Variants in ANKHD1 observed in about 807,000 individuals in gnomAD.
ANKHD1 encodes the protein ankyrin repeat and KH domain-containing protein 1.
Under a neutral mutation model 230.5 loss-of-function variants are expected in ANKHD1, and 31 were observed. The ratio of observed to expected loss-of-function variants is 0.13; its 90% CI spans 0.10 to 0.18. The LOEUF (loss-of-function observed/expected upper bound fraction) is 0.18, where lower values mean the gene tolerates loss of function less well. ANKHD1 is among the 10% of genes least tolerant of loss of function. The pLI is 1.00. For missense variants in ANKHD1, 2,256 were observed against 3,071.3 expected, an observed-to-expected ratio of 0.73 and a Z score of 6.27; for synonymous variants, 1,074 against 1,117.6, an observed-to-expected ratio of 0.96 and a Z score of 0.78.
chr5:140,418,144 CT>C (rs147753786), intron 1 of ANKHD1, among the ~76,000 whole-genome samples: 103 of 126,420 alleles, frequency 8.1e-4, no homozygotes, highest in Admixed American at 1.4e-3. Context: ...GTCCAGCCTT[CT>C]TTTTTTTTTT....
Position 140,445,926 on chromosome 5 carries a change from T to C in ANKHD1, c.1098T>C (p.Thr366=). 6.2e-7 allele frequency: 1 copy of C among 1,610,494 alleles called. No homozygotes were observed. The highest frequency in any genetic ancestry group is 8.5e-7 in the Non-Finnish European group (1 of 1,177,824). The change falls in exon 6 of 34, where the codon ACT becomes ACC. Residue 366 remains threonine (T), a synonymous_variant. Transcript: ENST00000360839. ...VLLDHGAGIN[T]HSNEFKESAL... ...TAGATCATGGTGCAGGCATCAACACTCATTCTAATGAATTCAAAGAAAGTG... is the reference window on the plus strand; with the variant it reads ...TAGATCATGGTGCAGGCATCAACACCCATTCTAATGAATTCAAAGAAAGTG...
At chr5:140,459,579 G>A (rs1402111962) in intron 9 of ANKHD1, among the ~76,000 whole-genome samples, 2 of 152,044 alleles carry the variant, frequency 1.3e-5, no homozygotes, top group Admixed American at 1.3e-4. Context: ...ATATTGCATA[G>A]CAAGGTGACT....
rs569496366 is a variant in ANKHD1, at chr5:140,427,884, C to T, written c.307-8220C>T. Among the ~76,000 whole-genome samples the T allele has an allele frequency of 3.8e-3, 568 of 149,298 alleles. 7 individuals carry two copies. Among genetic ancestry groups the T allele is most frequent in the African/African-American group, 0.014 (552 of 40,314 alleles). ...GGGGCTCCTCACTTCTCAGACGGGG[C>T]GGCTGCCAGGTGGAGGGGCTCCTCA... On this transcript the variant is annotated intron_variant, in intron 1 of 33. Transcript: ENST00000360839.
At position 140,485,475 on chromosome 5, in the gene ANKHD1, A is replaced by C. The variant is rs964973846; in HGVS notation, c.1999-114A>C. ...AAATAATATGTGTATAGTTATAAAA[A>C]TATGTTTGATCTATCTTAGTGCTTA... On this transcript the variant is annotated intron_variant, in intron 12 of 33. Transcript: ENST00000360839. The surrounding 1 kb of genome is among the most constrained non-coding windows in gnomAD (Gnocchi z 4.8). The C allele has an allele frequency of 7.1e-7, 1 of 1,398,908 alleles. No individual in the cohort carries two copies. 86.7% of individuals were successfully genotyped at this position (1,398,908 alleles called of 1,614,324 possible). A position where few individuals can be genotyped will look rare whatever the true frequency, so the allele number is the denominator to read the frequency against.
At chr5:140,505,466 A>G (rs1283538412) in intron 17 of ANKHD1, among the ~76,000 whole-genome samples, 1 of 152,212 alleles carries the variant, frequency 6.6e-6, no homozygotes, top group Non-Finnish European at 1.5e-5. Flanking sequence ...TTGTTAATCC[A>G]AAGGTAGTTC....
At chr5:140,466,938 GA>G (rs933289048) in intron 10 of ANKHD1, among the ~76,000 whole-genome samples, 134 of 132,044 alleles carry the variant, frequency 1.0e-3, no homozygotes, top group Middle Eastern at 3.8e-3. Context: ...CCATCTGGGA[GA>G]AAAAAAAAAA....
Position 140,510,309 on chromosome 5 carries a change from CTTTTTTTTTTTT to C in ANKHD1, c.4104+138_4104+149del, listed in dbSNP as rs34693244. On this transcript the variant is annotated intron_variant, in intron 22 of 33. Coordinates refer to ENST00000360839, the MANE Select transcript of ANKHD1 (RefSeq NM_017747.3). ...GAAAAATCACTGCTATCTTTCCATT[CTTTTTTTTTTTT>C]TTTTTTTTTGAGACGGAGTCTTACT... 5.6e-6 allele frequency: 3 copies of C among 540,010 alleles called. No homozygotes were observed. The African/African-American group carries it at 8.0e-5, about 14-fold the overall frequency. The allele number at this position is 540,010 out of a possible 1,614,324, so 33.5% of individuals were successfully genotyped here.
intron 6 of ANKHD1, among the ~76,000 whole-genome samples, chr5:140,447,399 G>T (rs1165645671): frequency 6.6e-6 from 1 of 151,662 alleles, no homozygotes; most frequent in Non-Finnish European, 1.5e-5. Flanking sequence ...TAGAGATGGG[G>T]GTCTCACTAT....
chr5:140,529,056 C>G lies in ANKHD1; in HGVS notation c.6110C>G (p.Pro2037Arg). 2 of 1,613,998 alleles carry G rather than the reference C, an allele frequency of 1.2e-6. No homozygotes were observed. The highest frequency in any genetic ancestry group is 4.5e-5 in the East Asian group (2 of 44,886). Residue 2037 changes from proline to arginine, a missense_variant, in exon 29 of 34, where the codon CCC (proline) becomes CGC (arginine). Transcript: ENST00000360839. ...GAGAAAGTGTCCACACAGGACCAGC[C>G]CATGGCAAACCTATGTACCCCATCT... Reference protein sequence around the residue: ...TKEKVSTQDQPMANLCTPSST... With the variant: ...TKEKVSTQDQRMANLCTPSST...
At chr5:140,525,835 A>T (rs112413500) in intron 25 of ANKHD1, among the ~76,000 whole-genome samples, 161 bp from the exon 26 acceptor site, 1 of 133,394 alleles carries the variant, frequency 7.5e-6, no homozygotes, top group Non-Finnish European at 1.6e-5. Context: ...GACTCCATCT[A>T]AAAAAAAAAA....
intron 1 of ANKHD1, among the ~76,000 whole-genome samples, chr5:140,419,465 TTTTTTTTTG>T (rs1771695248): frequency 1.0e-5 from 1 of 96,858 alleles, no homozygotes; most frequent in Non-Finnish European, 2.5e-5. Flanking sequence ...TTTTTTTTTT[TTTTTTTTTG>T]TTTTTGAGAT....
chr5:140,505,612 A>C, intron 17 of ANKHD1, 112 bp from the exon 18 acceptor site: 1 of 1,416,534 alleles, frequency 7.1e-7, no homozygotes, highest in South Asian at 1.6e-5. Context: ...ACTCATTATC[A>C]GTGTCTGCCC....
At chr5:140,427,370 G>A in intron 1 of ANKHD1, among the ~76,000 whole-genome samples, 1 of 118,800 alleles carries the variant, frequency 8.4e-6, no homozygotes. Context: ...CCAGGCGGGG[G>A]GCTGACCCCC....
chr5:140,460,972 A>T (rs1226422478), intron 9 of ANKHD1, among the ~76,000 whole-genome samples: 1 of 152,164 alleles, frequency 6.6e-6, no homozygotes, highest in Non-Finnish European at 1.5e-5. Context: ...ACTGTGTCCT[A>T]TTCAAGAGTC....
At position 140,507,381 on chromosome 5, in the gene ANKHD1, T is replaced by C. The variant is rs550042957; in HGVS notation, c.3551+404T>C. Reference sequence around the variant, plus strand: ...GGAATGCAATGGCGCGATCTTGGCTTACCGCGAACTCTGCCTCCGGGGTTC... The same window carrying C: ...GGAATGCAATGGCGCGATCTTGGCTCACCGCGAACTCTGCCTCCGGGGTTC... On this transcript the variant is annotated intron_variant, in intron 19 of 33. Coordinates refer to ENST00000360839, the MANE Select transcript of ANKHD1 (RefSeq NM_017747.3). This position sits in a 1 kb window ranked among gnomAD's most constrained non-coding sequence, Gnocchi z 4.1. 6.6e-6 allele frequency among the ~76,000 whole-genome samples: 1 copy of C among 152,356 alleles called. No homozygotes were observed. The highest frequency in any genetic ancestry group is 1.9e-4 in the East Asian group (1 of 5,184).
At position 140,427,304 on chromosome 5, in the gene ANKHD1, C is replaced by T. The variant is rs550899654; in HGVS notation, c.307-8800C>T. Reference sequence around the variant, plus strand: ...CCCCCCACCTCCCTCCCGGACGGGGCGGCTGGCCGGGTGGGGGGCCGACCC... The same window carrying T: ...CCCCCCACCTCCCTCCCGGACGGGGTGGCTGGCCGGGTGGGGGGCCGACCC... On this transcript the variant is annotated intron_variant, in intron 1 of 33. Transcript: ENST00000360839. Among the ~76,000 whole-genome samples the T allele has an allele frequency of 2.0e-4, 28 of 141,608 alleles. No homozygotes were observed. The East Asian group carries it at 6.0e-3, about 30-fold the overall frequency. 92.9% of individuals were successfully genotyped at this position (141,608 alleles called of 152,430 possible).
rs1200120936 is a variant in ANKHD1 at position 140,524,062 on chromosome 5, C to T, written c.4318-4C>T. ...GTAAAATTATATACCTGCTTTATTTCCAGTCAAGAGAAGAGAGCAGAAAGC... is the reference window on the plus strand; with the variant it reads ...GTAAAATTATATACCTGCTTTATTTTCAGTCAAGAGAAGAGAGCAGAAAGC... On this transcript the variant is annotated splice_polypyrimidine_tract_variant and splice_region_variant and intron_variant, in intron 24 of 33. Transcript: ENST00000360839. The T allele has an allele frequency of 1.3e-5, 20 of 1,563,222 alleles. No individual in the cohort carries two copies. Among genetic ancestry groups the T allele is most frequent in the Non-Finnish European group, 1.6e-5 (19 of 1,166,498 alleles).
intron 2 of ANKHD1, among the ~76,000 whole-genome samples, chr5:140,436,621 CT>C (rs1351835846): frequency 1.3e-5 from 2 of 151,980 alleles, no homozygotes; most frequent in African/African-American, 4.8e-5. Flanking sequence ...CGGTGTGCGC[CT>C]GTAGTCCCAG....
chr5:140,515,241 A>G (rs1561818602), intron 24 of ANKHD1, among the ~76,000 whole-genome samples: 2 of 150,922 alleles, frequency 1.3e-5, no homozygotes, highest in South Asian at 2.1e-4. Flanking sequence ...TCACGCCACT[A>G]CACTCTAGCC....
Sources: allele counts gnomAD v4.1 joint callset (sites outside exome capture counted in the v4.1 genomes callset), GRCh38; gene constraint gnomAD v4.1.1; non-coding constraint Gnocchi (gnomAD v3.1); transcripts MANE v1.5; gene names NCBI Gene and HGNC (gene_info 2026-07-23, HGNC 2026-07-21).